Variants in TG observed in about 807,000 individuals in gnomAD.
The protein encoded by TG is thyroid hormones.
In TG, 270 loss-of-function variants were observed where a neutral mutation model predicts 324.7. The observed-to-expected ratio is 0.83, with a 90% confidence interval of 0.75 to 0.92. The LOEUF is 0.92. Ranked by LOEUF, TG falls within the 40% of genes least tolerant of loss-of-function variation. The probability of loss-of-function intolerance (pLI) is 0.00; values close to 1 mark genes in which losing one functional copy is unlikely to be tolerated. For synonymous variants in TG, 1,401 were observed against 1,327.0 expected (o/e 1.06, Z -1.21); for missense variants, 3,591 against 3,456.4 (o/e 1.04, Z -0.98).
chr8:132,959,229 C>T (rs1213960964), intron 27 of TG, among the ~76,000 whole-genome samples: 3 of 152,318 alleles, frequency 2.0e-5, no homozygotes, highest in South Asian at 2.1e-4. Flanking sequence ...GAGTTCAGTT[C>T]ACACCTCTTT....
At chr8:132,909,744 C>A (rs181990241) in intron 18 of TG, among the ~76,000 whole-genome samples, 18 of 152,266 alleles carry the variant, frequency 1.2e-4, no homozygotes, top group East Asian at 3.9e-4. Flanking sequence ...TTTAGGAGAA[C>A]CCACCTTGGA....
chr8:132,868,352 T>C (rs1296192036), intron 2 of TG, 129 bp downstream of exon 2: 1 of 848,322 alleles, frequency 1.2e-6, no homozygotes. Context: ...CACTGTCATT[T>C]GGAGGTGCCT....
At chr8:132,871,085 C>T (rs1330737077) in intron 3 of TG, among the ~76,000 whole-genome samples, 2 of 152,304 alleles carry the variant, frequency 1.3e-5, no homozygotes, top group African/African-American at 2.4e-5. Context: ...CAGGCCTGCA[C>T]TCTGATCCCA....
chr8:133,034,483 G>A (rs905632002), intron 41 of TG, among the ~76,000 whole-genome samples: 8 of 152,262 alleles, frequency 5.3e-5, no homozygotes, highest in Admixed American at 5.2e-4. Flanking sequence ...GAGCTGTTTT[G>A]TCACGTCTAA....
At chr8:133,035,534 T>C (rs1465192656) in intron 41 of TG, among the ~76,000 whole-genome samples, 1 of 152,246 alleles carries the variant, frequency 6.6e-6, no homozygotes, top group Non-Finnish European at 1.5e-5. Flanking sequence ...TTTCTGAGAT[T>C]TGTATATTAA....
intron 45 of TG, among the ~76,000 whole-genome samples, chr8:133,119,687 A>G (rs981209068): frequency 1.3e-5 from 2 of 152,132 alleles, no homozygotes; most frequent in African/African-American, 2.4e-5. Flanking sequence ...ATTTCCGCCT[A>G]TGAATTCTGG....
intron 41 of TG, among the ~76,000 whole-genome samples, chr8:133,081,720 AT>A (rs1167532796): frequency 7.0e-6 from 1 of 143,526 alleles, no homozygotes; most frequent in Non-Finnish European, 1.6e-5. Flanking sequence ...ATCGGGGGAG[AT>A]CTTACTGTTC....
intron 45 of TG, among the ~76,000 whole-genome samples, chr8:133,129,932 A>G (rs868529314): frequency 7.2e-5 from 11 of 152,174 alleles, no homozygotes; most frequent in African/African-American, 2.4e-4. Context: ...AAACCCTGCA[A>G]TGGGACCTCC....
chr8:133,067,771 C>A (rs1336932568), intron 41 of TG, among the ~76,000 whole-genome samples: 2 of 148,154 alleles, frequency 1.3e-5, no homozygotes. Flanking sequence ...GAGCAAGACT[C>A]CATCTAGAAA....
intron 41 of TG, chr8:133,050,215 T>C (rs1225426192): frequency 1.8e-6 from 1 of 549,882 alleles, no homozygotes; most frequent in East Asian, 3.0e-5. Context: ...AACCCTCCCA[T>C]GTGCTAGAAA....
At chr8:132,925,698 CTT>C (rs1821770389) in intron 22 of TG, among the ~76,000 whole-genome samples, 2 of 152,176 alleles carry the variant, frequency 1.3e-5, no homozygotes, top group Non-Finnish European at 2.9e-5. Flanking sequence ...GAGACTGTGT[CTT>C]TACAGAATAC....
At chr8:132,946,721 G>C (rs989662195) in intron 26 of TG, among the ~76,000 whole-genome samples, 1 of 152,086 alleles carries the variant, frequency 6.6e-6, no homozygotes, top group Non-Finnish European at 1.5e-5. Flanking sequence ...ACATTTTAGT[G>C]GAGACTGCTT....
chr8:133,120,371 C>A (rs1851045473), intron 45 of TG, among the ~76,000 whole-genome samples: 1 of 152,140 alleles, frequency 6.6e-6, no homozygotes, highest in Non-Finnish European at 1.5e-5. Context: ...AGTGCTTGGG[C>A]CCTACCTGGA....
At chr8:132,982,363 C>A (rs1228764857) in intron 34 of TG, among the ~76,000 whole-genome samples, 1 of 152,034 alleles carries the variant, frequency 6.6e-6, no homozygotes, top group Non-Finnish European at 1.5e-5. Context: ...CTAGTTTGGG[C>A]CACTGGAGAG....
rs201728674 is a variant in TG at position 132,893,225 on chromosome 8, T to C, written c.2762-465T>C. On this transcript the variant is annotated intron_variant, in intron 10 of 47. Transcript: ENST00000220616. The stretch of plus-strand genomic sequence containing the variant: ...GGTGTGTATGTGTGTGTGGTGTGTA[T>C]ATGTGGTGTGTGTGTATGTGTGTGG... 8.5e-3 allele frequency among the ~76,000 whole-genome samples: 1,145 copies of C among 134,248 alleles called. 33 individuals are homozygous for C. In the East Asian group the frequency reaches 0.092, roughly 11 times the overall value. The allele number at this position is 134,248 out of a possible 152,430, so 88.1% of individuals were successfully genotyped here.
chr8:133,120,504 TC>T (rs1166647925), intron 45 of TG, among the ~76,000 whole-genome samples: 1 of 152,144 alleles, frequency 6.6e-6, no homozygotes, highest in African/African-American at 2.4e-5. Context: ...AGGAGCATGC[TC>T]CCCCTGTAGG....
chr8:133,055,235 G>A (rs896872278), intron 41 of TG, among the ~76,000 whole-genome samples: 6 of 152,062 alleles, frequency 3.9e-5, no homozygotes, highest in Admixed American at 6.6e-5. Context: ...TGGGTAGGGA[G>A]CTGTACAGCC....
intron 19 of TG, among the ~76,000 whole-genome samples, chr8:132,912,026 G>A (rs1365262523): frequency 6.6e-6 from 1 of 152,170 alleles, no homozygotes; most frequent in Non-Finnish European, 1.5e-5. Flanking sequence ...TGGTAGGATA[G>A]GAAAGAGCCC....
chr8:133,108,622 C>A (rs775100311), intron 43 of TG, among the ~76,000 whole-genome samples: 12 of 152,216 alleles, frequency 7.9e-5, no homozygotes, highest in Non-Finnish European at 8.8e-5. Flanking sequence ...CACAGTTACC[C>A]TCCAAGCCCA....
Sources: allele counts gnomAD v4.1 joint callset (sites outside exome capture counted in the v4.1 genomes callset), GRCh38; gene constraint gnomAD v4.1.1; transcripts MANE v1.5; gene names NCBI Gene and HGNC (gene_info 2026-07-23, HGNC 2026-07-21).